The following DNM1 variants were observed in gnomAD, a reference collection of about 807,000 sequenced individuals.
The protein encoded by DNM1 is dynamin-1.
In DNM1, 29 loss-of-function variants were observed where a neutral mutation model predicts 104.6. That is an observed-to-expected ratio of 0.28 (90% CI 0.21 to 0.38). The LOEUF is 0.38. Ranked by LOEUF, DNM1 falls within the 10% of genes least tolerant of loss-of-function variation. The probability of loss-of-function intolerance (pLI) is 1.00; values close to 1 mark genes in which losing one functional copy is unlikely to be tolerated. For synonymous variants in DNM1, 445 were observed against 475.8 expected (o/e 0.94, Z 0.84); for missense variants, 640 against 1,189.4 (o/e 0.54, Z 6.79).
intron 1 of DNM1, among the ~76,000 whole-genome samples, chr9:128,209,053 G>A (rs1366494772): frequency 6.6e-6 from 1 of 151,972 alleles, no homozygotes; most frequent in Non-Finnish European, 1.5e-5. Context: ...CGGGGCTTGA[G>A]GGGCCTGTTA....
Position 128,254,884 on chromosome 9 carries a change from GCC to G in DNM1, c.*173_*174del. ...GGTGTGACCGTTGGTGAAAACTTGT[GCC>G]CCTTCTGTGGTATGCCCTTGCCCTG... On this transcript the variant is annotated 3_prime_UTR_variant, in exon 22 of 22. Coordinates refer to ENST00000372923, the MANE Select transcript of DNM1 (RefSeq NM_004408.4). The surrounding 1 kb of genome is among the most constrained non-coding windows in gnomAD (Gnocchi z 6.1). 3 of 620,040 alleles carry G rather than the reference GCC, an allele frequency of 4.8e-6. No homozygotes were observed. The highest frequency in any genetic ancestry group is 8.5e-6 in the Non-Finnish European group (3 of 354,744). The allele number at this position is 620,040 out of a possible 1,614,324, so 38.4% of individuals were successfully genotyped here.
chr9:128,250,704 C>A, intron 20 of DNM1, 21 bp from the exon 21 acceptor site: 1 of 1,458,324 alleles, frequency 6.9e-7, no homozygotes, highest in Non-Finnish European at 9.0e-7. Context: ...CTCCTTGTTC[C>A]TCGCTCCCTG....
At chr9:128,244,742 G>A (rs1291640952) in intron 15 of DNM1, 1 of 533,942 alleles carries the variant, frequency 1.9e-6, no homozygotes, top group Non-Finnish European at 3.9e-6. Context: ...ACCCAGCCCA[G>A]CCTAACCAAT....
At chr9:128,229,826 T>C (rs1476926662) in intron 10 of DNM1, among the ~76,000 whole-genome samples, 3 of 151,740 alleles carry the variant, frequency 2.0e-5, no homozygotes, top group South Asian at 4.2e-4. Flanking sequence ...GGCAGGAGAA[T>C]CACTTGAACC....
chr9:128,254,442 T>G lies in DNM1; in HGVS notation c.2535-212T>G. 6.8e-7 allele frequency: 1 copy of G among 1,463,322 alleles called. No homozygotes were observed. The highest frequency in any genetic ancestry group is 9.0e-7 in the Non-Finnish European group (1 of 1,115,662). 90.6% of individuals were successfully genotyped at this position (1,463,322 alleles called of 1,614,324 possible). Reference sequence around the variant, plus strand: ...CGCCACAGCCCCCAGGCGCTATCTGTGAAGCTACGGCTCCTCCCTCCATCT... The same window carrying G: ...CGCCACAGCCCCCAGGCGCTATCTGGGAAGCTACGGCTCCTCCCTCCATCT... On this transcript the variant is annotated intron_variant, in intron 21 of 21. Coordinates refer to ENST00000372923, the MANE Select transcript of DNM1 (RefSeq NM_004408.4). The surrounding 1 kb of genome is among the most constrained non-coding windows in gnomAD (Gnocchi z 6.1).
rs904932789 is a variant in DNM1, at chr9:128,224,793, G to A, written c.1335+404G>A. On this transcript the variant is annotated intron_variant, in intron 10 of 21. Transcript: ENST00000372923. This position sits in a 1 kb window ranked among gnomAD's most constrained non-coding sequence, Gnocchi z 4.3. ...GACAGGTGAAATGCAGGGCCTTCTCGGGCACTGCTCGGTGGGCCTGGGTGG... is the reference window on the plus strand; with the variant it reads ...GACAGGTGAAATGCAGGGCCTTCTCAGGCACTGCTCGGTGGGCCTGGGTGG... Among the ~76,000 whole-genome samples the A allele has an allele frequency of 9.9e-5, 15 of 152,156 alleles. No homozygotes were observed. Among genetic ancestry groups the A allele is most frequent in the African/African-American group, 2.2e-4 (9 of 41,430 alleles).
intron 14 of DNM1, among the ~76,000 whole-genome samples, chr9:128,241,203 C>T (rs1333254360): frequency 6.6e-6 from 1 of 152,160 alleles, no homozygotes; most frequent in Non-Finnish European, 1.5e-5. Flanking sequence ...CCCAGGCCTC[C>T]TTGGGTCTTC....
chr9:128,231,194 C>CTTTTTTT (rs72047067), intron 10 of DNM1, among the ~76,000 whole-genome samples: 6 of 68,488 alleles, frequency 8.8e-5, no homozygotes, highest in African/African-American at 1.2e-4. Flanking sequence ...ATACTTTTGC[C>CTTTTTTT]TTTTTTTTTT....
intron 1 of DNM1, among the ~76,000 whole-genome samples, chr9:128,216,152 ACTGT>A (rs1834591916): frequency 6.6e-6 from 1 of 152,150 alleles, no homozygotes; most frequent in Non-Finnish European, 1.5e-5. Context: ...CAGGGTGGGA[ACTGT>A]CTGACTCATC....
chr9:128,248,395 A>C lies in DNM1; in HGVS notation c.1906-188A>C. 1 of 599,456 alleles carries C rather than the reference A, an allele frequency of 1.7e-6. No homozygotes were observed. The allele number at this position is 599,456 out of a possible 1,614,324, so 37.1% of individuals were successfully genotyped here. ...TAGGCACTAGAGTCAGAACCAAGAC[A>C]AGGCTGAATCAGGGGAGTCTAGGGT... On this transcript the variant is annotated intron_variant, in intron 18 of 21. Transcript: ENST00000372923. This position sits in a 1 kb window ranked among gnomAD's most constrained non-coding sequence, Gnocchi z 5.6.
chr9:128,226,655 T>G (rs1299954130), intron 10 of DNM1, among the ~76,000 whole-genome samples: 1 of 152,222 alleles, frequency 6.6e-6, no homozygotes, highest in Non-Finnish European at 1.5e-5. Context: ...GGAGCTGTCC[T>G]AGTTCCTCAA....
At chr9:128,244,748 C>T (rs1246397225) in intron 15 of DNM1, 1 of 534,174 alleles carries the variant, frequency 1.9e-6, no homozygotes, top group Non-Finnish European at 3.9e-6. Context: ...CCCAGCCTAA[C>T]CAATGTGCAG....
In DNM1 at chr9:128,218,358, G is replaced by T; in HGVS notation, c.235+54G>T. The stretch of plus-strand genomic sequence containing the variant: ...GCCTGCCCACTCCAGCCTCTCCCCC[G>T]TCCCCAAGCTGAGGGCCAGCCTGGC... On this transcript the variant is annotated intron_variant, in intron 2 of 21. Coordinates refer to ENST00000372923, the MANE Select transcript of DNM1 (RefSeq NM_004408.4). This position sits in a 1 kb window ranked among gnomAD's most constrained non-coding sequence, Gnocchi z 4.8. 6.3e-7 allele frequency: 1 copy of T among 1,594,468 alleles called. No individual in the cohort carries two copies. Among genetic ancestry groups the T allele is most frequent in the African/African-American group, 1.3e-5 (1 of 74,604 alleles).
At chr9:128,246,242 G>C (rs1352651169) in intron 15 of DNM1, 152 bp from the exon 16 acceptor site, 2 of 631,246 alleles carry the variant, frequency 3.2e-6, no homozygotes, top group East Asian at 5.6e-5. Flanking sequence ...GGAGGCCTAC[G>C]GTCCGTGGCC....
chr9:128,246,344 G>C, intron 15 of DNM1, 50 bp from the exon 16 acceptor site: 1 of 1,280,600 alleles, frequency 7.8e-7, no homozygotes, highest in Non-Finnish European at 1.1e-6. Flanking sequence ...AGTGAGGTGT[G>C]GCAGAGAACA....
At chr9:128,223,034 G>T in intron 9 of DNM1, 174 bp downstream of exon 9, 1 of 665,550 alleles carries the variant, frequency 1.5e-6, no homozygotes, top group Non-Finnish European at 2.5e-6. Flanking sequence ...TTGGGGAGGT[G>T]GACCCGGGCC....
intron 11 of DNM1, 35 bp from the exon 12 acceptor site, chr9:128,239,410 T>C (rs761361764): frequency 1.9e-6 from 3 of 1,588,340 alleles, no homozygotes; most frequent in Non-Finnish European, 2.6e-6. Context: ...TGTGGTGTCT[T>C]TTGCGCTTGC....
rs1188642269 is a variant in DNM1 at position 128,243,446 on chromosome 9, G to A, written c.1671+1101G>A. 6.6e-5 allele frequency among the ~76,000 whole-genome samples: 10 copies of A among 152,294 alleles called. No homozygotes were observed. The East Asian group carries it at 1.7e-3, about 27-fold the overall frequency. ...TTTTGGCCTCCAAGCCCCCTCCCAG[G>A]TCCCTGTCTCCTCCAAGTTTGTCCT... On this transcript the variant is annotated intron_variant, in intron 15 of 21. Transcript: ENST00000372923. This position sits in a 1 kb window ranked among gnomAD's most constrained non-coding sequence, Gnocchi z 4.0.
In DNM1 at chr9:128,220,233, C is replaced by T; in HGVS notation, c.741C>T (p.Asp247=). Residue 247 remains aspartate, a synonymous_variant, in exon 6 of 22, where the codon GAC becomes GAT. Transcript: ENST00000372923. This position sits in a 1 kb window ranked among gnomAD's most constrained non-coding sequence, Gnocchi z 5.2. The part of the protein sequence containing the change: ...RSQKDIDGKK[D]ITAALAAERK... The stretch of plus-strand genomic sequence containing the variant: ...AGAAGGACATTGATGGCAAGAAGGA[C>T]ATTACCGCCGCCTTGGCTGCTGAAC... 2 of 1,614,180 alleles carry T rather than the reference C, an allele frequency of 1.2e-6. No individual in the cohort carries two copies. The highest frequency in any genetic ancestry group is 8.5e-7 in the Non-Finnish European group (1 of 1,180,038).
Sources: allele counts gnomAD v4.1 joint callset (sites outside exome capture counted in the v4.1 genomes callset), GRCh38; gene constraint gnomAD v4.1.1; non-coding constraint Gnocchi (gnomAD v3.1); transcripts MANE v1.5; gene names NCBI Gene and HGNC (gene_info 2026-07-23, HGNC 2026-07-21).